The following THSD7B variants were observed in gnomAD, a reference collection of about 807,000 sequenced individuals.
THSD7B encodes thrombospondin type-1 domain-containing protein 7B.
A neutral mutation model predicts 213.6 loss-of-function variants in THSD7B; 138 were observed. That is an observed-to-expected ratio of 0.65 (90% CI 0.56 to 0.74). The LOEUF (loss-of-function observed/expected upper bound fraction) is 0.74. THSD7B is among the 30% of genes least tolerant of loss of function. The pLI is 0.00. For synonymous variants in THSD7B, 742 were observed against 687.0 expected, an observed-to-expected ratio of 1.08 and a Z score of -1.25; for missense variants, 1,931 against 1,991.5, an observed-to-expected ratio of 0.97 and a Z score of 0.58.
chr2:137,067,937 T>C (rs998966015), intron 3 of THSD7B, among the ~76,000 whole-genome samples: 4 of 152,066 alleles, frequency 2.6e-5, no homozygotes, highest in African/African-American at 4.8e-5. Flanking sequence ...CCACTAGAAC[T>C]GGGCTCCCTT....
At chr2:137,587,641 C>T (rs1681766754) in intron 17 of THSD7B, among the ~76,000 whole-genome samples, 1 of 152,232 alleles carries the variant, frequency 6.6e-6, no homozygotes. Flanking sequence ...GCGGAGGCTG[C>T]AGAACAGCGA....
chr2:137,264,422 G>A (rs1386454763), intron 10 of THSD7B, among the ~76,000 whole-genome samples: 3 of 151,984 alleles, frequency 2.0e-5, no homozygotes, highest in Admixed American at 6.5e-5. Context: ...CTAATTTTTT[G>A]TATTTTTAGT....
At chr2:137,486,349 G>A (rs1018081929) in intron 15 of THSD7B, among the ~76,000 whole-genome samples, 5 of 147,848 alleles carry the variant, frequency 3.4e-5, no homozygotes, top group African/African-American at 1.2e-4. Context: ...TGCAATCCTA[G>A]TCTCTGATAA....
At chr2:137,280,785 A>G (rs1454278475) in intron 12 of THSD7B, among the ~76,000 whole-genome samples, 1 of 152,136 alleles carries the variant, frequency 6.6e-6, no homozygotes, top group African/African-American at 2.4e-5. Context: ...CTTTCTAGAA[A>G]CTGCCCTTAA....
chr2:137,341,905 A>G (rs1382993570), intron 12 of THSD7B, among the ~76,000 whole-genome samples: 1 of 151,564 alleles, frequency 6.6e-6, no homozygotes, highest in Non-Finnish European at 1.5e-5. Context: ...AGGTAATGTT[A>G]TACCTCCAGC....
At chr2:137,320,591 T>C (rs1054732558) in intron 12 of THSD7B, among the ~76,000 whole-genome samples, 3 of 152,182 alleles carry the variant, frequency 2.0e-5, no homozygotes, top group Non-Finnish European at 2.9e-5. Context: ...GTTGTAATTA[T>C]ACCCAAAGCC....
At chr2:137,449,695 T>A (rs1687609330) in intron 14 of THSD7B, among the ~76,000 whole-genome samples, 1 of 152,186 alleles carries the variant, frequency 6.6e-6, no homozygotes. Flanking sequence ...CCATCAGCAT[T>A]TCATAGCATG....
chr2:137,455,770 A>G (rs1687750694), intron 15 of THSD7B, among the ~76,000 whole-genome samples: 1 of 152,196 alleles, frequency 6.6e-6, no homozygotes, highest in African/African-American at 2.4e-5. Context: ...TACCTAATAT[A>G]TTTTAATTTT....
At chr2:136,960,008 T>G (rs1685189709) in intron 2 of THSD7B, among the ~76,000 whole-genome samples, 1 of 152,268 alleles carries the variant, frequency 6.6e-6, no homozygotes, top group Admixed American at 6.5e-5. Context: ...TCATGGGTTC[T>G]GGGTTGTTTG....
intron 17 of THSD7B, among the ~76,000 whole-genome samples, chr2:137,595,454 C>T (rs751545899): frequency 2.0e-5 from 3 of 151,934 alleles, no homozygotes; most frequent in Non-Finnish European, 4.4e-5. Flanking sequence ...CATGTTCAAA[C>T]AACCCAGGGA....
At chr2:137,494,191 T>C (rs561951458) in intron 15 of THSD7B, among the ~76,000 whole-genome samples, 23 of 152,296 alleles carry the variant, frequency 1.5e-4, no homozygotes, top group Middle Eastern at 3.4e-3. Flanking sequence ...CCTCACAGCC[T>C]TATTAATAGA....
chr2:136,824,651 G>A (rs1682614967), intron 1 of THSD7B, among the ~76,000 whole-genome samples: 1 of 152,114 alleles, frequency 6.6e-6, no homozygotes, highest in African/African-American at 2.4e-5. Flanking sequence ...AGCTAAGGGT[G>A]GATGTGGAAA....
chr2:137,065,204 A>G (rs1468676012), intron 3 of THSD7B, among the ~76,000 whole-genome samples: 2 of 151,744 alleles, frequency 1.3e-5, no homozygotes, highest in Admixed American at 6.6e-5. Context: ...TTGGTGTTTT[A>G]TAGTTTTCAT....
At chr2:137,380,812 A>G (rs1420762570) in intron 12 of THSD7B, among the ~76,000 whole-genome samples, 1 of 152,250 alleles carries the variant, frequency 6.6e-6, no homozygotes, top group Non-Finnish European at 1.5e-5. Context: ...AACTCCACAC[A>G]TTATGTAACC....
intron 3 of THSD7B, among the ~76,000 whole-genome samples, chr2:137,059,638 C>T (rs1687233629): frequency 6.6e-6 from 1 of 152,100 alleles, no homozygotes; most frequent in Non-Finnish European, 1.5e-5. Context: ...ATATATGTAG[C>T]TTTTTCTGGT....
intron 1 of THSD7B, among the ~76,000 whole-genome samples, chr2:136,771,267 C>A (rs144479453): frequency 6.6e-6 from 1 of 152,106 alleles, no homozygotes; most frequent in Non-Finnish European, 1.5e-5. Flanking sequence ...TATCTTCTGG[C>A]CAATCACAGA....
chr2:137,426,477 A>G (rs1413036950), intron 14 of THSD7B, among the ~76,000 whole-genome samples: 1 of 152,180 alleles, frequency 6.6e-6, no homozygotes, highest in East Asian at 1.9e-4. Context: ...AGGCATAAAA[A>G]CAGACACATA....
intron 26 of THSD7B, among the ~76,000 whole-genome samples, chr2:137,667,560 G>T (rs902507001): frequency 6.6e-6 from 1 of 152,142 alleles, no homozygotes; most frequent in Non-Finnish European, 1.5e-5. Context: ...TGTTCTAAGA[G>T]AATCTTTTTA....
chr2:137,512,438 C>T (rs1474153035), intron 15 of THSD7B, among the ~76,000 whole-genome samples: 1 of 136,798 alleles, frequency 7.3e-6, no homozygotes, highest in Non-Finnish European at 1.5e-5. Context: ...CTTGCCCAGC[C>T]TGGAGAGCAA....
Sources: gnomAD v4.1 joint callset for allele counts (sites outside exome capture counted in the v4.1 genomes callset) on GRCh38, gnomAD v4.1.1 for gene constraint, MANE v1.5 for transcripts, NCBI Gene and HGNC (gene_info 2026-07-23, HGNC 2026-07-21) for gene names.